PNRC1: variants seen among roughly 807,000 people sequenced by gnomAD.
PNRC1 encodes the protein proline rich nuclear receptor coactivator 1, also known as proline-rich nuclear receptor coactivator 1.
PNRC1 carries 6 observed loss-of-function variants against 20.2 expected under a neutral mutation model. That is an observed-to-expected ratio of 0.30 (90% CI 0.16 to 0.59). The LOEUF is 0.59. Among genes scored for constraint, PNRC1 ranks in the 20% least tolerant of loss-of-function variants. The pLI, the probability that PNRC1 is intolerant of heterozygous loss-of-function variation, is 0.89. For synonymous variants in PNRC1, 202 were observed against 186.9 expected, an observed-to-expected ratio of 1.08 and a Z score of -0.66; for missense variants, 488 against 430.2, an observed-to-expected ratio of 1.13 and a Z score of -1.19.
Position 89,081,225 on chromosome 6 carries a change from C to A in PNRC1, c.331C>A (p.Pro111Thr). ...GCGGGCCAGCCCCGCAGGGCAGCTG[C>A]CCAGCCGCTTCCACCAGTACCAGCA... is the stretch of plus-strand genomic sequence containing the variant. Reference protein sequence around the residue: ...KVRASPAGQLPSRFHQYQQHR... With the variant: ...KVRASPAGQLTSRFHQYQQHR... The change falls in exon 1 of 2, where the codon CCC becomes ACC. Residue 111 changes from proline to threonine, a missense_variant. Coordinates refer to ENST00000336032, the MANE Select transcript of PNRC1 (RefSeq NM_006813.3). The A allele has an allele frequency of 6.4e-7, 1 of 1,556,202 alleles. No homozygotes were observed. The highest frequency in any genetic ancestry group is 8.6e-7 in the Non-Finnish European group (1 of 1,159,314).
intron 1 of PNRC1, 82 bp from the exon 2 acceptor site, chr6:89,083,671 A>G: frequency 8.3e-6 from 9 of 1,082,304 alleles, no homozygotes; most frequent in Middle Eastern, 2.1e-4. Flanking sequence ...CTTAAACACA[A>G]CAAAACTAGA....
At position 89,081,837 on chromosome 6, in the gene PNRC1, G is replaced by A. The variant is rs572937317; in HGVS notation, c.540+403G>A. On this transcript the variant is annotated intron_variant, in intron 1 of 1. Coordinates refer to ENST00000336032, the MANE Select transcript of PNRC1 (RefSeq NM_006813.3). Reference sequence around the variant, plus strand: ...CGGCGCTCCGGCGCCCATGAAGGAGGCGAGGCCGGGTGGGGGCAGCTGGGG... The same window carrying A: ...CGGCGCTCCGGCGCCCATGAAGGAGACGAGGCCGGGTGGGGGCAGCTGGGG... 5 of 154,398 alleles carry A rather than the reference G, an allele frequency of 3.2e-5. No homozygotes were observed. The South Asian group carries it at 1.0e-3, about 31-fold the overall frequency. The allele number at this position is 154,398 out of a possible 1,614,324, so 9.6% of individuals were successfully genotyped here.
rs762054338 is a variant in PNRC1, at chr6:89,084,141, A to G, written c.929A>G (p.Gln310Arg). ...GGAAGCACTGTTGAAAATTCCAACC[A>G]AAACAGGGAGCTGATGGCAGTACAC... ...WMGSTVENSN[Q>R]NRELMAVHLK... The change falls in exon 2 of 2, where the codon CAA (glutamine) becomes CGA (arginine). Residue 310 changes from glutamine (Q) to arginine (R), a missense_variant. Physicochemically the swap from Gln to Arg is conservative, Grantham distance 43. Coordinates refer to ENST00000336032, the MANE Select transcript of PNRC1 (RefSeq NM_006813.3). 15 of 1,609,516 alleles carry G rather than the reference A, an allele frequency of 9.3e-6. No homozygotes were observed. The South Asian group carries it at 1.3e-4, about 14-fold the overall frequency.
intron 1 of PNRC1, among the ~76,000 whole-genome samples, chr6:89,083,116 C>T (rs1253565660): frequency 6.6e-6 from 1 of 152,064 alleles, no homozygotes; most frequent in East Asian, 1.9e-4. Context: ...GAAGGGATCC[C>T]GCCTCAGCCA....
At chr6:89,082,996 T>G (rs907294485) in intron 1 of PNRC1, among the ~76,000 whole-genome samples, 4 of 125,250 alleles carry the variant, frequency 3.2e-5, no homozygotes, top group African/African-American at 5.4e-5. Context: ...GAAATTTAAG[T>G]TTTTTGTTGT....
At chr6:89,083,056 TGCAGTG>T in intron 1 of PNRC1, among the ~76,000 whole-genome samples, 1 of 151,684 alleles carries the variant, frequency 6.6e-6, no homozygotes, top group South Asian at 2.1e-4. Flanking sequence ...CAGGCTGGAA[TGCAGTG>T]GCACGATCGA....
chr6:89,082,346 A>G (rs1768021130), intron 1 of PNRC1: 1 of 152,266 alleles, frequency 6.6e-6, no homozygotes, highest in South Asian at 2.1e-4. Context: ...TAATAATGAA[A>G]TGAAAAAGTT....
chr6:89,082,135 C>T (rs899358161), intron 1 of PNRC1: 19 of 152,272 alleles, frequency 1.2e-4, no homozygotes, highest in African/African-American at 4.6e-4. Flanking sequence ...TTACTTTTGC[C>T]ACTGTGGTAC....
chr6:89,081,396 C>T lies in PNRC1; in HGVS notation c.502C>T (p.Arg168Trp). ...AGCCAGCCCCGACCTTGCCCCGCTG[C>T]GGCCCGCGGCTCCCGGCCAAACCCC... ...EGASPDLAPL[R>W]PAAPGQTPLR... Residue 168 changes from arginine to tryptophan, a missense_variant, in exon 1 of 2, where the codon CGG becomes TGG. Coordinates refer to ENST00000336032, the MANE Select transcript of PNRC1 (RefSeq NM_006813.3). 7.4e-7 allele frequency: 1 copy of T among 1,349,112 alleles called. No individual in the cohort carries two copies. Among genetic ancestry groups the T allele is most frequent in the South Asian group, 1.9e-5 (1 of 53,862 alleles). The allele number at this position is 1,349,112 out of a possible 1,614,324, so 83.6% of individuals were successfully genotyped here. A position where few individuals can be genotyped will look rare whatever the true frequency, so the allele number is the denominator to read the frequency against.
rs145186551 is a variant in PNRC1 at position 89,083,056 on chromosome 6, T to G, written c.541-697T>G. Reference sequence around the variant, plus strand: ...GCCTCTATCGCACTCCAGGCTGGAATGCAGTGGCACGATCGATCTCTGCTC... The same window carrying G: ...GCCTCTATCGCACTCCAGGCTGGAAGGCAGTGGCACGATCGATCTCTGCTC... On this transcript the variant is annotated intron_variant, in intron 1 of 1. Coordinates refer to ENST00000336032, the MANE Select transcript of PNRC1 (RefSeq NM_006813.3). 3.0e-3 allele frequency among the ~76,000 whole-genome samples: 459 copies of G among 151,682 alleles called. 4 individuals are homozygous for G. The Middle Eastern group carries it at 0.034, about 11-fold the overall frequency.
At position 89,080,788 on chromosome 6, in the gene PNRC1, T is replaced by G; in HGVS notation, c.-107T>G. 9.4e-7 allele frequency: 1 copy of G among 1,066,794 alleles called. No homozygotes were observed. 66.1% of individuals were successfully genotyped at this position (1,066,794 alleles called of 1,614,324 possible). ...CCACCGCCCGAGTCATGTTCCGCGATCTTCTCAGGCTCTCCTAGCAGCATC... is the reference window on the plus strand; with the variant it reads ...CCACCGCCCGAGTCATGTTCCGCGAGCTTCTCAGGCTCTCCTAGCAGCATC... On this transcript the variant is annotated 5_prime_UTR_variant, in exon 1 of 2. Transcript: ENST00000336032.
At position 89,080,813 on chromosome 6, in the gene PNRC1, C is replaced by A; in HGVS notation, c.-82C>A. On this transcript the variant is annotated 5_prime_UTR_variant, in exon 1 of 2. Coordinates refer to ENST00000336032, the MANE Select transcript of PNRC1 (RefSeq NM_006813.3). ...TCTTCTCAGGCTCTCCTAGCAGCAT[C>A]CATCGCCGCCACCCTATCTTCACTG... The A allele has an allele frequency of 7.4e-7, 1 of 1,351,010 alleles. No homozygotes were observed. Among genetic ancestry groups the A allele is most frequent in the Non-Finnish European group, 1.0e-6 (1 of 961,532 alleles). 83.7% of individuals were successfully genotyped at this position (1,351,010 alleles called of 1,614,324 possible). A position where few individuals can be genotyped will look rare whatever the true frequency, so the allele number is the denominator to read the frequency against.
At position 89,080,798 on chromosome 6, in the gene PNRC1, C is replaced by T. The variant is rs964364541; in HGVS notation, c.-97C>T. 58 of 1,176,816 alleles carry T rather than the reference C, an allele frequency of 4.9e-5. No homozygotes were observed. Among genetic ancestry groups the T allele is most frequent in the Non-Finnish European group, 6.9e-5 (56 of 809,814 alleles). The allele number at this position is 1,176,816 out of a possible 1,614,324, so 72.9% of individuals were successfully genotyped here. A position where few individuals can be genotyped will look rare whatever the true frequency, so the allele number is the denominator to read the frequency against. ...AGTCATGTTCCGCGATCTTCTCAGGCTCTCCTAGCAGCATCCATCGCCGCC... is the reference window on the plus strand; with the variant it reads ...AGTCATGTTCCGCGATCTTCTCAGGTTCTCCTAGCAGCATCCATCGCCGCC... On this transcript the variant is annotated 5_prime_UTR_variant, in exon 1 of 2. Coordinates refer to ENST00000336032, the MANE Select transcript of PNRC1 (RefSeq NM_006813.3).
rs1767990733 is a variant in PNRC1 at position 89,081,443 on chromosome 6, G to A, written c.540+9G>A. 2 of 1,298,902 alleles carry A rather than the reference G, an allele frequency of 1.5e-6. No homozygotes were observed. Among genetic ancestry groups the A allele is most frequent in the Non-Finnish European group, 1.9e-6 (2 of 1,028,444 alleles). 80.5% of individuals were successfully genotyped at this position (1,298,902 alleles called of 1,614,324 possible). ...CCCCCCTCAGGAAAGAGGTGAGGCCGCCAGGGGGCCGTTGGGGAGTCGGGC... is the reference window on the plus strand; with the variant it reads ...CCCCCCTCAGGAAAGAGGTGAGGCCACCAGGGGGCCGTTGGGGAGTCGGGC... On this transcript the variant is annotated intron_variant, in intron 1 of 1. Transcript: ENST00000336032.
chr6:89,081,492 C>T (rs1412867719), intron 1 of PNRC1, 58 bp downstream of exon 1: 75 of 702,336 alleles, frequency 1.1e-4, no homozygotes, highest in Non-Finnish European at 1.3e-4. Context: ...CGGCCGAGCT[C>T]TGGGGCTGCA....
In PNRC1 at chr6:89,083,753, G is replaced by C; in HGVS notation, c.541G>C (p.Val181Leu). 6.4e-7 allele frequency: 1 copy of C among 1,574,718 alleles called. No individual in the cohort carries two copies. Among genetic ancestry groups the C allele is most frequent in the Non-Finnish European group, 8.6e-7 (1 of 1,164,712 alleles). Residue 181 changes from valine (V) to leucine (L), a missense_variant and splice_region_variant, in exon 2 of 2, where the codon GTT becomes CTT. Val to Leu is a conservative substitution (Grantham distance 32). Coordinates refer to ENST00000336032, the MANE Select transcript of PNRC1 (RefSeq NM_006813.3). ...APGQTPLRKE[V>L]LKSKMGKSEK... ...TACTTTTGTGTTCTTGTCTTTGTAG[G>C]TTTTAAAATCAAAGATGGGAAAATC... is the stretch of plus-strand genomic sequence containing the variant.
chr6:89,081,410 C>G lies in PNRC1; in HGVS notation c.516C>G (p.Pro172=), dbSNP rs1767989213. Residue 172 remains proline, a synonymous_variant, in exon 1 of 2, where the codon CCC becomes CCG. Coordinates refer to ENST00000336032, the MANE Select transcript of PNRC1 (RefSeq NM_006813.3). ...TTGCCCCGCTGCGGCCCGCGGCTCC[C>G]GGCCAAACCCCCCTCAGGAAAGAGG... ...PDLAPLRPAA[P]GQTPLRKEVL... 1 of 1,340,062 alleles carries G rather than the reference C, an allele frequency of 7.5e-7. No individual in the cohort carries two copies. The highest frequency in any genetic ancestry group is 9.5e-7 in the Non-Finnish European group (1 of 1,053,752). The allele number at this position is 1,340,062 out of a possible 1,614,324, so 83.0% of individuals were successfully genotyped here. A position where few individuals can be genotyped will look rare whatever the true frequency, so the allele number is the denominator to read the frequency against.
At chr6:89,082,640 C>G (rs1768027824) in intron 1 of PNRC1, 1 of 152,198 alleles carries the variant, frequency 6.6e-6, no homozygotes, top group African/African-American at 2.4e-5. Flanking sequence ...TACCGCGTTA[C>G]AAGTGTTGGT....
In PNRC1 at chr6:89,080,848, A is replaced by T. The variant is rs753860284; in HGVS notation, c.-47A>T. The T allele has an allele frequency of 2.7e-6, 4 of 1,478,080 alleles. No homozygotes were observed. The highest frequency in any genetic ancestry group is 3.7e-6 in the Non-Finnish European group (4 of 1,075,112). 91.6% of individuals were successfully genotyped at this position (1,478,080 alleles called of 1,614,324 possible). Reference sequence around the variant, plus strand: ...CACCCTATCTTCACTGGCTTCATTCACCTTCTCCTTCTCTCTTCGTTGCTG... The same window carrying T: ...CACCCTATCTTCACTGGCTTCATTCTCCTTCTCCTTCTCTCTTCGTTGCTG... On this transcript the variant is annotated 5_prime_UTR_variant, in exon 1 of 2. Transcript: ENST00000336032.
Sources: gnomAD v4.1 joint callset for allele counts (sites outside exome capture counted in the v4.1 genomes callset) on GRCh38, gnomAD v4.1.1 for gene constraint, MANE v1.5 for transcripts, NCBI Gene and HGNC (gene_info 2026-07-23, HGNC 2026-07-21) for gene names.